PLB1: variants seen among roughly 807,000 people sequenced by gnomAD.
PLB1 encodes phospholipase B1.
Under a neutral mutation model 227.4 loss-of-function variants are expected in PLB1, and 242 were observed. That is an observed-to-expected ratio of 1.06 (90% confidence interval 0.96 to 1.18). The LOEUF is 1.18. Among genes scored for constraint, PLB1 ranks in the 50% most tolerant of loss-of-function variants. PLB1 has a pLI of 0.00. For synonymous variants in PLB1, 757 were observed against 682.2 expected (o/e 1.11, Z -1.71); for missense variants, 1,858 against 1,816.3 (o/e 1.02, Z -0.42).
chr2:28,604,910 G>C, intron 41 of PLB1, 151 bp downstream of exon 41: 1 of 689,952 alleles, frequency 1.4e-6, no homozygotes, highest in Non-Finnish European at 2.4e-6. Context: ...GAACGCCTGA[G>C]CCACATCCGT....
At chr2:28,634,626 G>T (rs560194203) in intron 56 of PLB1, among the ~76,000 whole-genome samples, 1 of 152,310 alleles carries the variant, frequency 6.6e-6, no homozygotes, top group South Asian at 2.1e-4. Context: ...ATGTAGCTCT[G>T]GCCAGGCACG....
At chr2:28,632,765 G>GA (rs1209418555) in intron 55 of PLB1, among the ~76,000 whole-genome samples, 179 bp from the exon 56 acceptor site, 3 of 149,404 alleles carry the variant, frequency 2.0e-5, no homozygotes, top group Non-Finnish European at 4.4e-5. Flanking sequence ...CAAAAAAAAA[G>GA]AAAAAAGAAA....
intron 9 of PLB1, among the ~76,000 whole-genome samples, chr2:28,535,778 G>A (rs1255503635): frequency 6.6e-6 from 1 of 152,108 alleles, no homozygotes; most frequent in African/African-American, 2.4e-5. Flanking sequence ...AAAATTAGCT[G>A]GGTGTGGTGG....
At chr2:28,498,608 T>C (rs1666747642) in intron 1 of PLB1, among the ~76,000 whole-genome samples, 1 of 152,154 alleles carries the variant, frequency 6.6e-6, no homozygotes, top group Admixed American at 6.6e-5. Context: ...TACCATTTAT[T>C]GAAAAATCGG....
chr2:28,578,465 C>T (rs1259423367), intron 22 of PLB1, among the ~76,000 whole-genome samples: 2 of 152,136 alleles, frequency 1.3e-5, no homozygotes, highest in African/African-American at 4.8e-5. Context: ...ACAGTTGCCA[C>T]GTGCTCCACC....
intron 55 of PLB1, among the ~76,000 whole-genome samples, chr2:28,632,553 C>T (rs1464830634): frequency 1.3e-5 from 2 of 152,016 alleles, no homozygotes; most frequent in Non-Finnish European, 2.9e-5. Flanking sequence ...CTTTGGGAAG[C>T]CAAGGCGGTT....
intron 56 of PLB1, among the ~76,000 whole-genome samples, chr2:28,639,970 C>T (rs763777504): frequency 6.6e-6 from 1 of 152,200 alleles, no homozygotes; most frequent in African/African-American, 2.4e-5. Context: ...ATCTGCCCAT[C>T]GTGCTCAGTC....
At chr2:28,548,996 G>A (rs1220107443) in intron 15 of PLB1, 65 bp downstream of exon 15, 3 of 1,450,246 alleles carry the variant, frequency 2.1e-6, no homozygotes, top group South Asian at 1.2e-5. Context: ...GTGGCCAAGT[G>A]GGCTTTGCTG....
intron 17 of PLB1, among the ~76,000 whole-genome samples, chr2:28,554,541 C>T (rs1674755303): frequency 8.6e-6 from 1 of 116,268 alleles, no homozygotes; most frequent in Non-Finnish European, 1.7e-5. Flanking sequence ...CTTATTGTTG[C>T]CCAGGCTGGT....
At chr2:28,593,254 G>T (rs1265013248) in intron 32 of PLB1, among the ~76,000 whole-genome samples, 2 of 152,182 alleles carry the variant, frequency 1.3e-5, no homozygotes, top group African/African-American at 4.8e-5. Context: ...GGAAAGAGGA[G>T]AAATGTGAGA....
At chr2:28,604,478 CCTGTT>C (rs1391102265) in intron 40 of PLB1, among the ~76,000 whole-genome samples, 172 bp from the exon 41 acceptor site, 2 of 152,238 alleles carry the variant, frequency 1.3e-5, no homozygotes, top group South Asian at 2.1e-4. Flanking sequence ...GGTGACCCAA[CCTGTT>C]TCCAAATTCT....
At chr2:28,641,140 C>A (rs2148354377) in intron 57 of PLB1, 139 bp downstream of exon 57, 1 of 786,568 alleles carries the variant, frequency 1.3e-6, no homozygotes, top group Non-Finnish European at 2.0e-6. Context: ...CAAATCCCAC[C>A]TGTCCCCAGT....
intron 26 of PLB1, among the ~76,000 whole-genome samples, chr2:28,586,444 C>T (rs747103421): frequency 6.6e-6 from 1 of 152,200 alleles, no homozygotes; most frequent in Non-Finnish European, 1.5e-5. Context: ...AGCTGACTCC[C>T]TTAACAATCG....
chr2:28,641,051 G>A (rs760321281), intron 57 of PLB1, 50 bp downstream of exon 57: 5 of 1,563,278 alleles, frequency 3.2e-6, no homozygotes, highest in East Asian at 4.6e-5. Flanking sequence ...CTGGGGTGGG[G>A]GTTGTCCTGT....
intron 43 of PLB1, among the ~76,000 whole-genome samples, chr2:28,610,141 AAGGTGC>A (rs1216804589): frequency 6.6e-6 from 1 of 152,082 alleles, no homozygotes; most frequent in Non-Finnish European, 1.5e-5. Context: ...ACATGTGCAG[AAGGTGC>A]AGGTTTGTTA....
intron 21 of PLB1, 100 bp from the exon 22 acceptor site, chr2:28,578,007 C>G: frequency 1.7e-6 from 2 of 1,196,498 alleles, no homozygotes; most frequent in Non-Finnish European, 2.5e-6. Flanking sequence ...GAGGCCCACC[C>G]TGGGCCTTCC....
At chr2:28,550,951 A>C (rs1286563788) in intron 16 of PLB1, among the ~76,000 whole-genome samples, 1 of 152,178 alleles carries the variant, frequency 6.6e-6, no homozygotes, top group African/African-American at 2.4e-5. Context: ...AGAAGGATCC[A>C]GCATGTGGCC....
chr2:28,622,263 C>T (rs986005036), intron 49 of PLB1, among the ~76,000 whole-genome samples: 7 of 152,186 alleles, frequency 4.6e-5, no homozygotes, highest in African/African-American at 1.7e-4. Context: ...TCAGATCATT[C>T]GTGTCTACAT....
intron 7 of PLB1, 63 bp downstream of exon 7, chr2:28,529,470 G>T: frequency 7.4e-7 from 1 of 1,356,922 alleles, no homozygotes. Flanking sequence ...ACATATAGGT[G>T]GGAGGATTTG....
Sources: gnomAD v4.1 joint callset for allele counts (sites outside exome capture counted in the v4.1 genomes callset) on GRCh38, gnomAD v4.1.1 for gene constraint, MANE v1.5 for transcripts, NCBI Gene and HGNC (gene_info 2026-07-23, HGNC 2026-07-21) for gene names.